SMARCA1: variants seen among roughly 807,000 people sequenced by gnomAD.
SMARCA1 encodes the protein SNF2 related chromatin remodeling ATPase 1.
In SMARCA1, 17 loss-of-function variants were observed where a neutral mutation model predicts 93.6. The ratio of observed to expected loss-of-function variants is 0.18; its 90% CI spans 0.12 to 0.27. SMARCA1 has a LOEUF of 0.27. Among genes scored for constraint, SMARCA1 ranks in the 10% least tolerant of loss-of-function variants. SMARCA1 has a pLI of 1.00. For synonymous variants in SMARCA1, 271 were observed against 271.4 expected (o/e 1.00, Z 0.01); for missense variants, 630 against 819.0 (o/e 0.77, Z 2.82).
intron 23 of SMARCA1, among the ~76,000 whole-genome samples, chrX:129,463,533 AC>A (rs1217637245): frequency 5.3e-5 from 6 of 112,266 alleles, no homozygotes; most frequent in Non-Finnish European, 1.1e-4. Flanking sequence ...GCTACAGATT[AC>A]CTCTTTATCT....
At chrX:129,496,954 T>C (rs1934351661) in intron 11 of SMARCA1, 83 bp from the exon 12 acceptor site, 3 of 873,848 alleles carry the variant, frequency 3.4e-6, no homozygotes, top group South Asian at 2.4e-5. Flanking sequence ...ATATGCAACA[T>C]AAATGTAGAG....
chrX:129,448,715 C>T lies in SMARCA1; in HGVS notation c.3031-272G>A, dbSNP rs566270047. On this transcript the variant is annotated intron_variant, in intron 23 of 24. Transcript: ENST00000371121. The stretch of plus-strand genomic sequence containing the variant: ...AGGAAAGAACTATTAATACAGTTAA[C>T]AATCTGAATGAACCTCAAGGGAATT... Among the ~76,000 whole-genome samples the T allele has an allele frequency of 5.8e-4, 63 of 109,078 alleles. No individual in the cohort carries two copies. In the South Asian group the frequency reaches 0.017, roughly 29 times the overall value. The allele number at this position is 109,078 out of a possible 115,157, so 94.7% of individuals were successfully genotyped here. A position where few individuals can be genotyped will look rare whatever the true frequency, so the allele number is the denominator to read the frequency against.
chrX:129,483,762 G>A (rs1352962944), intron 17 of SMARCA1, among the ~76,000 whole-genome samples: 2 of 111,694 alleles, frequency 1.8e-5, no homozygotes, highest in Admixed American at 1.9e-4. Context: ...ACTTATCTGG[G>A]TTAATTTATT....
chrX:129,490,030 A>C, intron 15 of SMARCA1, 30 bp downstream of exon 15: 1 of 1,080,637 alleles, frequency 9.3e-7, no homozygotes, highest in Non-Finnish European at 1.3e-6. Flanking sequence ...TTTACAAAAA[A>C]CACCTAATTA....
intron 23 of SMARCA1, among the ~76,000 whole-genome samples, chrX:129,463,649 T>C (rs770677161): frequency 8.9e-6 from 1 of 111,971 alleles, no homozygotes; most frequent in Non-Finnish European, 1.9e-5. Context: ...CTATTAAATG[T>C]CATGTTTGCT....
At chrX:129,518,542 A>G (rs1935282337) in intron 1 of SMARCA1, 95 bp from the exon 2 acceptor site, 9 of 460,217 alleles carry the variant, frequency 2.0e-5, no homozygotes, top group Admixed American at 4.2e-5. Flanking sequence ...AAGTAATTAC[A>G]TAACTAAATA....
In SMARCA1 at chrX:129,498,006, C is replaced by T. The variant is rs139253918; in HGVS notation, c.1343G>A (p.Arg448Gln). ...AAGCTGCATCAGAATGTTTAAGAGTCGCATCTTGTCCATCTTGCCAGAAGA... is the reference window on the plus strand; with the variant it reads ...AAGCTGCATCAGAATGTTTAAGAGTTGCATCTTGTCCATCTTGCCAGAAGA... ...LNSSGKMDKM[R>Q]LLNILMQLRK... Residue 448 changes from arginine to glutamine, a missense_variant, in exon 11 of 25, where the codon CGA becomes CAA. Arg to Gln is a conservative substitution (Grantham distance 43). Transcript: ENST00000371121. 8 of 1,205,990 alleles carry T rather than the reference C, an allele frequency of 6.6e-6. No individual in the cohort carries two copies. The highest frequency in any genetic ancestry group is 5.3e-5 in the African/African-American group (3 of 57,095).
At chrX:129,500,118 A>C (rs1934495446) in intron 9 of SMARCA1, among the ~76,000 whole-genome samples, 1 of 95,108 alleles carries the variant, frequency 1.1e-5, no homozygotes, top group African/African-American at 4.7e-5. Context: ...GCACCAAAGA[A>C]CCCTTAAAAA....
At chrX:129,485,608 T>C (rs1168042893) in intron 17 of SMARCA1, among the ~76,000 whole-genome samples, 1 of 111,169 alleles carries the variant, frequency 9.0e-6, no homozygotes, top group African/African-American at 3.3e-5. Context: ...ATAGTTTGGA[T>C]ATGTTTGTCC....
At chrX:129,468,990 A>G (rs1933002044) in intron 20 of SMARCA1, 85 bp from the exon 21 acceptor site, 2 of 550,059 alleles carry the variant, frequency 3.6e-6, no homozygotes, top group East Asian at 3.9e-5. Context: ...ACAATGATAC[A>G]TTAAAAAACA....
intron 19 of SMARCA1, among the ~76,000 whole-genome samples, chrX:129,474,961 G>C (rs188827721): frequency 2.1e-4 from 23 of 110,932 alleles, no homozygotes; most frequent in Non-Finnish European, 1.3e-4. Context: ...TGGAGGACCT[G>C]ACTTGCTCCT....
intron 4 of SMARCA1, 52 bp downstream of exon 4, chrX:129,515,842 T>A: frequency 8.6e-7 from 1 of 1,162,853 alleles, no homozygotes; most frequent in Non-Finnish European, 1.2e-6. Flanking sequence ...TCAAGTAAAA[T>A]TTTTCTAAAA....
intron 19 of SMARCA1, among the ~76,000 whole-genome samples, chrX:129,472,033 A>T (rs1297606921): frequency 8.9e-6 from 1 of 111,829 alleles, no homozygotes; most frequent in East Asian, 2.8e-4. Context: ...TCAAAAGATA[A>T]GGACAGAAGC....
Position 129,487,119 on chromosome X carries a change from G to T in SMARCA1, c.2116C>A (p.Arg706Ser). The T allele has an allele frequency of 8.5e-7, 1 of 1,172,612 alleles. No homozygotes were observed. Among genetic ancestry groups the T allele is most frequent in the Admixed American group, 2.3e-5 (1 of 43,383 alleles). Residue 706 changes from arginine to serine, a missense_variant, in exon 17 of 25, where the codon CGC (arginine) becomes AGC (serine). Physicochemically the swap from Arg to Ser is moderately radical, Grantham distance 110 (BLOSUM62 -1). Coordinates refer to ENST00000371121, the MANE Select transcript of SMARCA1 (RefSeq NM_001282874.2). The stretch of plus-strand genomic sequence containing the variant: ...GAAGACTCTCCCATTTTTTGCAGGC[G>T]TTCATTCATCTCTGCAGTCTAAAGG... ...GEKKTAEMNERLQKMGESSLR... is the reference protein window; with the variant it reads ...GEKKTAEMNESLQKMGESSLR...
chrX:129,477,499 G>A (rs1415753238), intron 19 of SMARCA1, among the ~76,000 whole-genome samples: 1 of 110,975 alleles, frequency 9.0e-6, no homozygotes, highest in East Asian at 2.8e-4. Flanking sequence ...AGAGGTTACA[G>A]TGAGCCAAGA....
At position 129,448,463 on chromosome X, in the gene SMARCA1, T is replaced by C. The variant is rs184445466; in HGVS notation, c.3031-20A>G. 2.0e-4 allele frequency: 228 copies of C among 1,156,275 alleles called. No homozygotes were observed. Among genetic ancestry groups the C allele is most frequent in the Non-Finnish European group, 2.5e-4 (215 of 853,790 alleles). ...GAATTCCTAAATGAAGTAATAAAGATTTTTAATTTCTGCAACCCAATCATT... is the reference window on the plus strand; with the variant it reads ...GAATTCCTAAATGAAGTAATAAAGACTTTTAATTTCTGCAACCCAATCATT... On this transcript the variant is annotated intron_variant, in intron 23 of 24. Transcript: ENST00000371121.
chrX:129,523,439 G>A lies in SMARCA1; in HGVS notation c.-69C>T, dbSNP rs1033349161. 7 of 921,154 alleles carry A rather than the reference G, an allele frequency of 7.6e-6. No individual in the cohort carries two copies. Among genetic ancestry groups the A allele is most frequent in the South Asian group, 4.7e-5 (2 of 42,494 alleles). 75.9% of individuals were successfully genotyped at this position (921,154 alleles called of 1,213,427 possible). ...GGGCTCCTGGGCGGCGGCAGTGGCT[G>A]CACTGGAAAGAGCTAGATGGAGCAG... is the stretch of plus-strand genomic sequence containing the variant. On this transcript the variant is annotated 5_prime_UTR_variant, in exon 1 of 25. Transcript: ENST00000371121.
intron 17 of SMARCA1, among the ~76,000 whole-genome samples, chrX:129,484,440 T>C (rs6529375): frequency 0.19 from 20,980 of 110,492 alleles, 1,761 homozygotes; most frequent in East Asian, 0.69. Context: ...ATCAAGAAAC[T>C]AAAAGCTATC....
intron 23 of SMARCA1, among the ~76,000 whole-genome samples, chrX:129,450,500 C>T (rs1409916132): frequency 2.7e-5 from 3 of 111,915 alleles, no homozygotes; most frequent in Non-Finnish European, 3.8e-5. Context: ...ATTTCAACGA[C>T]GGATCTTAAA....
Sources: gnomAD v4.1 joint callset for allele counts (sites outside exome capture counted in the v4.1 genomes callset) on GRCh38, gnomAD v4.1.1 for gene constraint, MANE v1.5 for transcripts, NCBI Gene and HGNC (gene_info 2026-07-23, HGNC 2026-07-21) for gene names.